The following C9orf85 variants were observed in gnomAD, a reference collection of about 807,000 sequenced individuals.
C9orf85 encodes uncharacterized protein C9orf85.
Under a neutral mutation model 14.9 loss-of-function variants are expected in C9orf85, and 16 were observed. That is an observed-to-expected ratio of 1.08 (90% CI 0.73 to 1.63). The LOEUF (loss-of-function observed/expected upper bound fraction) is 1.63. Among genes scored for constraint, C9orf85 ranks in the 40% most tolerant of loss-of-function variants. The pLI, the probability that C9orf85 is intolerant of heterozygous loss-of-function variation, is 0.00. For missense variants in C9orf85, 172 were observed against 186.1 expected, an observed-to-expected ratio of 0.92 and a Z score of 0.44; for synonymous variants, 45 against 56.8, an observed-to-expected ratio of 0.79 and a Z score of 0.93.
At chr9:71,970,314 A>T (rs530965433) in intron 2 of C9orf85, among the ~76,000 whole-genome samples, 1 of 152,166 alleles carries the variant, frequency 6.6e-6, no homozygotes, top group Non-Finnish European at 1.5e-5. Context: ...GTCTTAGAGA[A>T]TGTTCCATGT....
intron 1 of C9orf85, among the ~76,000 whole-genome samples, chr9:71,934,797 G>A (rs553462100): frequency 4.1e-4 from 63 of 152,104 alleles, no homozygotes; most frequent in African/African-American, 1.5e-3. Context: ...TTGAGCCTGG[G>A]AGGCAGAGTA....
At chr9:71,920,616 A>C (rs981879849) in intron 1 of C9orf85, among the ~76,000 whole-genome samples, 14 of 152,168 alleles carry the variant, frequency 9.2e-5, no homozygotes, top group Non-Finnish European at 1.6e-4. Context: ...CAAAAATATT[A>C]CTGTGAGGTC....
chr9:71,950,627 C>T (rs1822221322), intron 2 of C9orf85, among the ~76,000 whole-genome samples: 1 of 152,200 alleles, frequency 6.6e-6, no homozygotes. Context: ...GCCTCGGCTT[C>T]CCAAAGTGCT....
At chr9:71,944,420 T>C (rs1370500159) in intron 1 of C9orf85, among the ~76,000 whole-genome samples, 2 of 152,086 alleles carry the variant, frequency 1.3e-5, no homozygotes, top group Non-Finnish European at 2.9e-5. Context: ...GAAGATTTTT[T>C]TTTTCTTCAC....
intron 2 of C9orf85, among the ~76,000 whole-genome samples, chr9:71,963,750 C>G (rs1023744828): frequency 5.9e-5 from 9 of 152,220 alleles, no homozygotes; most frequent in South Asian, 2.1e-4. Flanking sequence ...CGCTTGATTT[C>G]TCCCCGGGCC....
intron 1 of C9orf85, among the ~76,000 whole-genome samples, chr9:71,934,641 G>C (rs1327802170): frequency 1.3e-5 from 2 of 152,126 alleles, no homozygotes; most frequent in Non-Finnish European, 2.9e-5. Context: ...GGCTGAGGCA[G>C]GTGGATCACT....
chr9:71,920,028 T>G (rs1384406541), intron 1 of C9orf85, among the ~76,000 whole-genome samples: 1 of 152,058 alleles, frequency 6.6e-6, no homozygotes, highest in African/African-American at 2.4e-5. Flanking sequence ...TTTTGTAGTT[T>G]TTAGTAGAGA....
chr9:71,976,214 A>G (rs754549900), downstream of C9orf85, among the ~76,000 whole-genome samples: 1 of 152,210 alleles, frequency 6.6e-6, no homozygotes, highest in Non-Finnish European at 1.5e-5. Context: ...TTTTGTTTTA[A>G]TGAAATGAAT....
intron 2 of C9orf85, among the ~76,000 whole-genome samples, chr9:71,965,652 C>T (rs532501546): frequency 2.6e-5 from 4 of 152,134 alleles, no homozygotes; most frequent in Non-Finnish European, 5.9e-5. Flanking sequence ...AGGCTGTTCT[C>T]TAACTCCTGG....
chr9:71,968,575 A>G (rs1423148701), intron 2 of C9orf85, among the ~76,000 whole-genome samples: 1 of 152,178 alleles, frequency 6.6e-6, no homozygotes, highest in African/African-American at 2.4e-5. Context: ...GCTTATATGC[A>G]TAGAGTTAAA....
At position 71,944,854 on chromosome 9, in the gene C9orf85, T is replaced by C. The variant is rs1460864015; in HGVS notation, c.103-2152T>C. Among the ~76,000 whole-genome samples the C allele has an allele frequency of 2.0e-5, 3 of 152,198 alleles. No individual in the cohort carries two copies. The East Asian group carries it at 5.8e-4, about 29-fold the overall frequency. Reference sequence around the variant, plus strand: ...TTAATTTGATAGTAGTGCCTGTTAGTCATATGAACCCTGTACAACATATCT... The same window carrying C: ...TTAATTTGATAGTAGTGCCTGTTAGCCATATGAACCCTGTACAACATATCT... On this transcript the variant is annotated intron_variant, in intron 1 of 3. Coordinates refer to ENST00000334731, the MANE Select transcript of C9orf85 (RefSeq NM_182505.5).
At chr9:71,985,147 C>G (rs186848768), downstream of C9orf85, 2 of 152,348 alleles carry the variant, frequency 1.3e-5, no homozygotes, top group South Asian at 2.1e-4. Flanking sequence ...AGTTACCTCA[C>G]CCACCTCTCC....
At chr9:71,976,049 TA>T (rs1454045873), downstream of C9orf85, among the ~76,000 whole-genome samples, 2 of 152,238 alleles carry the variant, frequency 1.3e-5, no homozygotes, top group Non-Finnish European at 2.9e-5. Context: ...CATATATTAA[TA>T]GCTGCATTTC....
chr9:71,922,555 T>A (rs991097003), intron 1 of C9orf85, among the ~76,000 whole-genome samples: 2 of 152,212 alleles, frequency 1.3e-5, no homozygotes, highest in Admixed American at 6.5e-5. Flanking sequence ...TTCTCCCATT[T>A]GCTGTGTTTG....
In C9orf85 at chr9:71,971,574, T is replaced by C; in HGVS notation, c.279T>C (p.Leu93=). 1 of 1,613,274 alleles carries C rather than the reference T, an allele frequency of 6.2e-7. No individual in the cohort carries two copies. Among genetic ancestry groups the C allele is most frequent in the Non-Finnish European group, 8.5e-7 (1 of 1,179,546 alleles). ...HIMCRPCACE[L]EVCAKCGKKE... ...TGTGCAGGCCATGTGCCTGTGAACT[T>C]GAAGTTTGCGCAAAATGTGGAAAGA... Residue 93 remains leucine, a synonymous_variant, in exon 3 of 4, where the codon CTT becomes CTC. Coordinates refer to ENST00000334731, the MANE Select transcript of C9orf85 (RefSeq NM_182505.5).
At chr9:71,982,993 T>C (rs923749458) in exon 4 of C9orf85, 1 of 156,932 alleles carries the variant, frequency 6.4e-6, no homozygotes, top group African/African-American at 2.5e-5. Flanking sequence ...TTTCTTTTCT[T>C]TTTTTTTTTC....
At chr9:71,960,896 T>C (rs1016523443) in intron 2 of C9orf85, among the ~76,000 whole-genome samples, 17 of 151,644 alleles carry the variant, frequency 1.1e-4, no homozygotes, top group African/African-American at 3.6e-4. Context: ...ACATTGGCCG[T>C]TTTTCAGTTC....
intron 1 of C9orf85, chr9:71,941,737 A>G (rs1821934219): frequency 6.6e-6 from 1 of 152,168 alleles, no homozygotes; most frequent in Non-Finnish European, 1.5e-5. Context: ...TGTCTTGGAG[A>G]AGTTGAAATT....
intron 1 of C9orf85, among the ~76,000 whole-genome samples, chr9:71,929,158 A>T (rs1411626630): frequency 2.0e-5 from 3 of 152,066 alleles, no homozygotes; most frequent in Non-Finnish European, 4.4e-5. Flanking sequence ...TACGAAGCAG[A>T]TTTTTTTTAA....
Sources: gnomAD v4.1 joint callset for allele counts (sites outside exome capture counted in the v4.1 genomes callset) on GRCh38, gnomAD v4.1.1 for gene constraint, MANE v1.5 for transcripts, NCBI Gene and HGNC (gene_info 2026-07-23, HGNC 2026-07-21) for gene names.